SUPT3H: variants seen among roughly 807,000 people sequenced by gnomAD.
The protein encoded by SUPT3H is transcription initiation protein SPT3 homolog.
A neutral mutation model predicts 44.3 loss-of-function variants in SUPT3H; 44 were observed. The observed-to-expected ratio is 0.99, with a 90% CI of 0.78 to 1.28. The LOEUF (loss-of-function observed/expected upper bound fraction) is 1.28, where lower values mean the gene tolerates loss of function less well. Among genes scored for constraint, SUPT3H ranks in the 50% most tolerant of loss-of-function variants. The pLI is 0.00. For synonymous variants in SUPT3H, 124 were observed against 125.6 expected, an observed-to-expected ratio of 0.99 and a Z score of 0.09; for missense variants, 380 against 387.1, an observed-to-expected ratio of 0.98 and a Z score of 0.15.
At chr6:45,184,026 A>G (rs1813739860) in intron 2 of SUPT3H, among the ~76,000 whole-genome samples, 1 of 152,186 alleles carries the variant, frequency 6.6e-6, no homozygotes. Context: ...CATGTCATAC[A>G]TTTGTCAGAA....
chr6:45,028,623 T>C (rs1583150768), intron 3 of SUPT3H, among the ~76,000 whole-genome samples: 1 of 152,092 alleles, frequency 6.6e-6, no homozygotes, highest in South Asian at 2.1e-4. Flanking sequence ...TGCTAACATT[T>C]ATAGAATTTA....
intron 3 of SUPT3H, among the ~76,000 whole-genome samples, chr6:45,068,765 C>A (rs1011237562): frequency 1.8e-4 from 27 of 152,136 alleles, no homozygotes; most frequent in African/African-American, 6.3e-4. Flanking sequence ...ACTTCACACT[C>A]ATTTTGCCTC....
At chr6:45,291,921 T>C (rs987697038) in intron 2 of SUPT3H, among the ~76,000 whole-genome samples, 1 of 152,076 alleles carries the variant, frequency 6.6e-6, no homozygotes, top group Non-Finnish European at 1.5e-5. Context: ...GACATCCAAA[T>C]AGAAGAAGCA....
intron 3 of SUPT3H, among the ~76,000 whole-genome samples, chr6:45,033,498 G>A (rs1186514080): frequency 6.6e-6 from 1 of 151,970 alleles, no homozygotes; most frequent in Non-Finnish European, 1.5e-5. Context: ...ATGAAAACAT[G>A]GTCCTTCACC....
chr6:44,885,302 C>A (rs577607155), intron 10 of SUPT3H, among the ~76,000 whole-genome samples: 1 of 152,318 alleles, frequency 6.6e-6, no homozygotes, highest in East Asian at 1.9e-4. Context: ...TGAGAACGGG[C>A]AGACTGCCTC....
At chr6:44,860,131 C>T (rs543001459) in intron 10 of SUPT3H, among the ~76,000 whole-genome samples, 28 of 152,280 alleles carry the variant, frequency 1.8e-4, no homozygotes, top group African/African-American at 6.5e-4. Context: ...GCTGAACTGT[C>T]CACTGATAAG....
chr6:45,301,568 T>C (rs912482883), intron 2 of SUPT3H, among the ~76,000 whole-genome samples: 1 of 152,164 alleles, frequency 6.6e-6, no homozygotes, highest in Non-Finnish European at 1.5e-5. Context: ...TCCTAGTTAA[T>C]GTTACATCAC....
chr6:44,841,306 T>C (rs918411166), intron 10 of SUPT3H, among the ~76,000 whole-genome samples: 7 of 152,230 alleles, frequency 4.6e-5, no homozygotes, highest in African/African-American at 1.7e-4. Flanking sequence ...AGATGCTCAA[T>C]AGGTATTTGG....
At chr6:45,288,167 T>G (rs1340837939) in intron 2 of SUPT3H, among the ~76,000 whole-genome samples, 1 of 152,140 alleles carries the variant, frequency 6.6e-6, no homozygotes, top group African/African-American at 2.4e-5. Flanking sequence ...AGCCACCTTC[T>G]GCTACTCACC....
chr6:45,101,602 G>A (rs972719872), intron 3 of SUPT3H, among the ~76,000 whole-genome samples: 1 of 152,142 alleles, frequency 6.6e-6, no homozygotes, highest in Non-Finnish European at 1.5e-5. Flanking sequence ...GACTATAATA[G>A]TAACAATTTA....
intron 2 of SUPT3H, among the ~76,000 whole-genome samples, chr6:45,201,434 T>G (rs1762440233): frequency 6.6e-6 from 1 of 151,808 alleles, no homozygotes. Context: ...AATGCGATTA[T>G]CTATAATGAG....
intron 3 of SUPT3H, among the ~76,000 whole-genome samples, chr6:45,080,577 C>T (rs1795658486): frequency 6.6e-6 from 1 of 151,402 alleles, no homozygotes; most frequent in Admixed American, 6.6e-5. Flanking sequence ...GGCATATACG[C>T]AATGAAGTAC....
At chr6:44,847,777 C>G (rs942501167) in intron 10 of SUPT3H, among the ~76,000 whole-genome samples, 1 of 151,432 alleles carries the variant, frequency 6.6e-6, no homozygotes, top group Non-Finnish European at 1.5e-5. Context: ...CGTGAGCCAC[C>G]ACACCCAGCC....
chr6:45,187,098 CT>C (rs1197319775), intron 2 of SUPT3H, among the ~76,000 whole-genome samples: 1 of 89,216 alleles, frequency 1.1e-5, no homozygotes. Context: ...ACTTTTTCGC[CT>C]TTAAAAAAAA....
intron 2 of SUPT3H, among the ~76,000 whole-genome samples, chr6:45,236,472 G>C (rs891226869): frequency 3.3e-5 from 5 of 152,098 alleles, no homozygotes; most frequent in African/African-American, 1.2e-4. Context: ...CAAAGTAACA[G>C]AGCAGGTTTG....
At chr6:44,880,095 T>C (rs1777969248) in intron 10 of SUPT3H, among the ~76,000 whole-genome samples, 2 of 151,938 alleles carry the variant, frequency 1.3e-5, no homozygotes, top group Admixed American at 6.6e-5. Context: ...CTGACAGAAG[T>C]AGGCTTCAGA....
At position 44,828,492 on chromosome 6, in the gene SUPT3H, A is replaced by G. The variant is rs1260502805; in HGVS notation, c.*1324T>C. Among the ~76,000 whole-genome samples, 1 of 152,192 alleles carries G rather than the reference A, an allele frequency of 6.6e-6. No homozygotes were observed. Among genetic ancestry groups the G allele is most frequent in the Non-Finnish European group, 1.5e-5 (1 of 68,004 alleles). ...TTTGAGTCTGATGGTTTTCAAATAAAAAGTCTTGAATTTAAAATTGAAACA... is the reference window on the plus strand; with the variant it reads ...TTTGAGTCTGATGGTTTTCAAATAAGAAGTCTTGAATTTAAAATTGAAACA... On this transcript the variant is annotated 3_prime_UTR_variant, in exon 11 of 11. Coordinates refer to ENST00000371459, the MANE Select transcript of SUPT3H (RefSeq NM_003599.4).
intron 2 of SUPT3H, among the ~76,000 whole-genome samples, chr6:45,215,680 C>T (rs187562260): frequency 2.0e-5 from 3 of 151,970 alleles, no homozygotes; most frequent in Admixed American, 2.0e-4. Flanking sequence ...AGAAAGCCTA[C>T]AGAAATTATG....
At chr6:44,918,935 G>A (rs1306634219) in intron 10 of SUPT3H, among the ~76,000 whole-genome samples, 1 of 152,142 alleles carries the variant, frequency 6.6e-6, no homozygotes, top group Non-Finnish European at 1.5e-5. Context: ...GGGCAAAAAT[G>A]CCTGAAATTG....
Sources: allele counts gnomAD v4.1 joint callset (sites outside exome capture counted in the v4.1 genomes callset), GRCh38; gene constraint gnomAD v4.1.1; transcripts MANE v1.5; gene names NCBI Gene and HGNC (gene_info 2026-07-23, HGNC 2026-07-21).